Variants in DCHS2 observed in about 807,000 individuals in gnomAD.
DCHS2 encodes protocadherin-23.
Under a neutral mutation model 182.4 loss-of-function variants are expected in DCHS2, and 142 were observed. The ratio of observed to expected loss-of-function variants is 0.78; its 90% confidence interval spans 0.68 to 0.89. The LOEUF (loss-of-function observed/expected upper bound fraction) is 0.89. DCHS2 is among the 40% of genes least tolerant of loss of function. The probability of loss-of-function intolerance (pLI) is 0.00; values close to 1 mark genes in which losing one functional copy is unlikely to be tolerated. For synonymous variants in DCHS2, 1,740 were observed against 1,663.3 expected, an observed-to-expected ratio of 1.05 and a Z score of -1.12; for missense variants, 4,319 against 4,198.6, an observed-to-expected ratio of 1.03 and a Z score of -0.79.
In DCHS2 at chr4:154,385,142, C is replaced by G. The variant is rs1370235095; in HGVS notation, c.2053-7698G>C. ...CCTGTGTCCATGTGTTCTCATTGTT[C>G]AATTCCCACCTATGAGTGAGAACAT... On this transcript the variant is annotated intron_variant, in intron 1 of 19. Coordinates refer to ENST00000357232, the MANE Select transcript of DCHS2 (RefSeq NM_001358235.2). Among the ~76,000 whole-genome samples, 6 of 142,440 alleles carry G rather than the reference C, an allele frequency of 4.2e-5. No individual in the cohort carries two copies. In the East Asian group the frequency reaches 6.4e-4, roughly 15 times the overall value. 93.4% of individuals were successfully genotyped at this position (142,440 alleles called of 152,430 possible). A position where few individuals can be genotyped will look rare whatever the true frequency, so the allele number is the denominator to read the frequency against.
At chr4:154,293,923 C>T (rs1734790064) in intron 13 of DCHS2, among the ~76,000 whole-genome samples, 1 of 152,026 alleles carries the variant, frequency 6.6e-6, no homozygotes, top group African/African-American at 2.4e-5. Flanking sequence ...TTTCCACTGC[C>T]TGGCACAACT....
chr4:154,374,001 GCAAAAA>G (rs747337972), intron 2 of DCHS2: 4 of 548,392 alleles, frequency 7.3e-6, no homozygotes, highest in Admixed American at 1.7e-4. Flanking sequence ...TATTTTAATA[GCAAAAA>G]AAAAAAAAAA....
At chr4:154,266,781 G>T (rs1460668422) in intron 14 of DCHS2, among the ~76,000 whole-genome samples, 1 of 151,976 alleles carries the variant, frequency 6.6e-6, no homozygotes, top group Non-Finnish European at 1.5e-5. Flanking sequence ...CTATAATTTT[G>T]TCTTTTCATA....
At chr4:154,312,264 A>G (rs945473836) in intron 10 of DCHS2, among the ~76,000 whole-genome samples, 3 of 152,206 alleles carry the variant, frequency 2.0e-5, no homozygotes, top group Non-Finnish European at 2.9e-5. Flanking sequence ...AGCCAGTAAG[A>G]TCGGCTTGTG....
At chr4:154,280,793 T>C (rs1052574183) in intron 13 of DCHS2, among the ~76,000 whole-genome samples, 1 of 150,828 alleles carries the variant, frequency 6.6e-6, no homozygotes. Context: ...AAAGCATTTA[T>C]GCTAAGATAA....
chr4:154,361,045 T>C (rs1730094223), intron 3 of DCHS2, among the ~76,000 whole-genome samples: 2 of 152,150 alleles, frequency 1.3e-5, no homozygotes, highest in African/African-American at 4.8e-5. Context: ...TGAACTGGCT[T>C]CCATTTATTC....
Position 154,491,424 on chromosome 4 carries a change from A to T in DCHS2, c.-69T>A. On this transcript the variant is annotated 5_prime_UTR_variant, in exon 1 of 20. Coordinates refer to ENST00000357232, the MANE Select transcript of DCHS2 (RefSeq NM_001358235.2). ...TTGTGGCAGGATCGCAGAAAAATCC[A>T]GGAGCCTCTTCAGTGTCTGAGCCAG... 6.9e-7 allele frequency: 1 copy of T among 1,442,990 alleles called. No homozygotes were observed. Among genetic ancestry groups the T allele is most frequent in the Non-Finnish European group, 9.1e-7 (1 of 1,099,212 alleles). The allele number at this position is 1,442,990 out of a possible 1,614,324, so 89.4% of individuals were successfully genotyped here. A position where few individuals can be genotyped will look rare whatever the true frequency, so the allele number is the denominator to read the frequency against.
intron 3 of DCHS2, among the ~76,000 whole-genome samples, chr4:154,365,111 G>C (rs561523679): frequency 6.6e-6 from 1 of 152,220 alleles, no homozygotes; most frequent in Admixed American, 6.5e-5. Context: ...CTAAAAGACA[G>C]CTTGCCCACT....
In DCHS2 at chr4:154,409,165, G is replaced by A. The variant is rs1353328879; in HGVS notation, c.2053-31721C>T. Among the ~76,000 whole-genome samples, 3 of 152,272 alleles carry A rather than the reference G, an allele frequency of 2.0e-5. No homozygotes were observed. The East Asian group carries it at 5.8e-4, about 29-fold the overall frequency. Reference sequence around the variant, plus strand: ...GTGACCGCAGTACCCTGTTTCCCTGGAAGTGGAGTAGAGTCTGGGCTGCTG... The same window carrying A: ...GTGACCGCAGTACCCTGTTTCCCTGAAAGTGGAGTAGAGTCTGGGCTGCTG... On this transcript the variant is annotated intron_variant, in intron 1 of 19. Coordinates refer to ENST00000357232, the MANE Select transcript of DCHS2 (RefSeq NM_001358235.2).
In DCHS2 at chr4:154,298,125, A is replaced by G. The variant is rs752894442; in HGVS notation, c.6189T>C (p.Asp2063=). 15 of 1,614,052 alleles carry G rather than the reference A, an allele frequency of 9.3e-6. No homozygotes were observed. The African/African-American group carries it at 1.9e-4, about 20-fold the overall frequency. ...TNQTTVIVRA[D]DLDLGPNGTV... is the part of the protein sequence containing the mutation. ...TTCCATTGGGCCCCAAGTCCAGGTC[A>G]TCAGCTCTCACAATGACAGTTGTCT... Residue 2063 remains aspartate, a synonymous_variant, in exon 13 of 20, where the codon GAT becomes GAC. Coordinates refer to ENST00000357232, the MANE Select transcript of DCHS2 (RefSeq NM_001358235.2).
At chr4:154,390,917 A>ATCCAAAT (rs1560729986) in intron 1 of DCHS2, among the ~76,000 whole-genome samples, 5 of 152,242 alleles carry the variant, frequency 3.3e-5, no homozygotes, top group Non-Finnish European at 7.3e-5. Context: ...AGAAAATTTT[A>ATCCAAAT]TTTATCCAAA....
chr4:154,473,889 A>G (rs1460729818), intron 1 of DCHS2, among the ~76,000 whole-genome samples: 1 of 152,164 alleles, frequency 6.6e-6, no homozygotes, highest in Non-Finnish European at 1.5e-5. Context: ...GGCTATATTC[A>G]TTTCCTTAGG....
At chr4:154,373,615 T>C (rs1201015921) in intron 2 of DCHS2, among the ~76,000 whole-genome samples, 1 of 152,058 alleles carries the variant, frequency 6.6e-6, no homozygotes, top group Non-Finnish European at 1.5e-5. Flanking sequence ...GAATTTGTCT[T>C]TTAAAATGCA....
chr4:154,389,535 T>TATATATATATATATATAA (rs1243968167), intron 1 of DCHS2, among the ~76,000 whole-genome samples: 2 of 146,018 alleles, frequency 1.4e-5, no homozygotes, highest in East Asian at 1.9e-4. Flanking sequence ...TATATATATA[T>TATATATATATATATATAA]AACCTTTTTT....
At chr4:154,244,104 G>A (rs138221982) in intron 16 of DCHS2, among the ~76,000 whole-genome samples, 190 of 152,158 alleles carry the variant, frequency 1.2e-3, no homozygotes, top group East Asian at 8.7e-3. Context: ...TTATGTATTC[G>A]CATAGCACCC....
At chr4:154,317,573 G>A (rs927576251) in intron 9 of DCHS2, among the ~76,000 whole-genome samples, 1 of 152,116 alleles carries the variant, frequency 6.6e-6, no homozygotes, top group Non-Finnish European at 1.5e-5. Context: ...CTAACAGTTG[G>A]GCCAAATGGT....
rs1375718725 is a variant in DCHS2, at chr4:154,332,658, C to T, written c.3550G>A (p.Glu1184Lys). The T allele has an allele frequency of 6.2e-7, 1 of 1,614,136 alleles. No individual in the cohort carries two copies. Among genetic ancestry groups the T allele is most frequent in the Non-Finnish European group, 8.5e-7 (1 of 1,180,056 alleles). ...STTVIVRVWD[E>K]NDNSPTFLHD... The stretch of plus-strand genomic sequence containing the variant: ...AAGAAGGTGGGGGAATTGTCATTCT[C>T]ATCCCAGACACGAACAATGACTGTA... Residue 1184 changes from glutamate to lysine, a missense_variant, in exon 5 of 20, where the codon GAG becomes AAG. Coordinates refer to ENST00000357232, the MANE Select transcript of DCHS2 (RefSeq NM_001358235.2).
intron 1 of DCHS2, among the ~76,000 whole-genome samples, chr4:154,389,516 T>TATATATATATATATATATATATATATATA (rs1731575119): frequency 2.7e-5 from 3 of 111,132 alleles, no homozygotes; most frequent in Non-Finnish European, 6.0e-5. Flanking sequence ...AAGACAAAGG[T>TATATATATATATATATATATATATATATA]TATATATATA....
At chr4:154,337,045 T>C (rs773381155) in intron 3 of DCHS2, among the ~76,000 whole-genome samples, 2 of 152,176 alleles carry the variant, frequency 1.3e-5, no homozygotes, top group African/African-American at 4.8e-5. Flanking sequence ...CATATTCACA[T>C]CTGGTTTCAG....
Sources: allele counts gnomAD v4.1 joint callset (sites outside exome capture counted in the v4.1 genomes callset), GRCh38; gene constraint gnomAD v4.1.1; transcripts MANE v1.5; gene names NCBI Gene and HGNC (gene_info 2026-07-23, HGNC 2026-07-21).